The following ACBD6 variants were observed in gnomAD, a reference collection of about 807,000 sequenced individuals.
ACBD6 encodes acyl-CoA binding domain containing 6.
In ACBD6, 28 loss-of-function variants were observed where a neutral mutation model predicts 37.2. The observed-to-expected ratio is 0.75, with a 90% CI of 0.56 to 1.03. The LOEUF is 1.03. ACBD6 is among the 50% of genes least tolerant of loss of function. The probability of loss-of-function intolerance (pLI) is 0.00; values close to 1 mark genes in which losing one functional copy is unlikely to be tolerated. For missense variants in ACBD6, 340 were observed against 337.4 expected, an observed-to-expected ratio of 1.01 and a Z score of -0.06; for synonymous variants, 113 against 126.8, an observed-to-expected ratio of 0.89 and a Z score of 0.73.
At chr1:180,482,470 A>G (rs532481791) in intron 3 of ACBD6, among the ~76,000 whole-genome samples, 1 of 152,138 alleles carries the variant, frequency 6.6e-6, no homozygotes, top group Non-Finnish European at 1.5e-5. Flanking sequence ...TAATAATAAG[A>G]TCCCGAGTAA....
In ACBD6 at chr1:180,461,004, T is replaced by C. The variant is rs566151829; in HGVS notation, c.385-30742A>G. 7.2e-5 allele frequency among the ~76,000 whole-genome samples: 11 copies of C among 152,046 alleles called. No homozygotes were observed. In the South Asian group the frequency reaches 1.7e-3, roughly 23 times the overall value. ...AGTGCAAGGAAGCTAAAAACCATAA[T>C]AGAACATTGCAGGAGCTGACAAACA... On this transcript the variant is annotated intron_variant, in intron 3 of 7. Transcript: ENST00000367595.
chr1:180,488,178 A>T (rs1220653061), intron 3 of ACBD6, among the ~76,000 whole-genome samples: 2 of 152,134 alleles, frequency 1.3e-5, no homozygotes, highest in Non-Finnish European at 2.9e-5. Flanking sequence ...TATAACCAGC[A>T]GTGAATCTGG....
At chr1:180,276,750 C>T (rs1649052850) in intron 9 of ACBD6, 1 of 151,096 alleles carries the variant, frequency 6.6e-6, no homozygotes, top group African/African-American at 2.4e-5. Flanking sequence ...TGCAGGTTGA[C>T]TATTTGGCTT....
At chr1:180,310,276 C>T (rs187766999) in intron 7 of ACBD6, among the ~76,000 whole-genome samples, 4 of 152,228 alleles carry the variant, frequency 2.6e-5, no homozygotes, top group Admixed American at 2.6e-4. Flanking sequence ...AGAAGGATTG[C>T]TCAAGCACAG....
intron 4 of ACBD6, among the ~76,000 whole-genome samples, chr1:180,423,015 C>T (rs1648436434): frequency 6.6e-6 from 1 of 152,032 alleles, no homozygotes; most frequent in Admixed American, 6.5e-5. Context: ...ATATGGTCTG[C>T]TAGTGTTTAT....
chr1:180,279,795 G>C (rs947737440), intron 9 of ACBD6, among the ~76,000 whole-genome samples: 5 of 151,172 alleles, frequency 3.3e-5, no homozygotes, highest in African/African-American at 1.2e-4. Context: ...CAGACCCTAA[G>C]TTTAGCTGGA....
chr1:180,313,809 C>T (rs1650685620), intron 7 of ACBD6, among the ~76,000 whole-genome samples: 1 of 151,792 alleles, frequency 6.6e-6, no homozygotes. Context: ...GGACTACAGA[C>T]GTGCACCACT....
intron 13 of ACBD6, chr1:180,272,022 G>A (rs747745601): frequency 1.2e-6 from 2 of 1,608,594 alleles, no homozygotes; most frequent in Non-Finnish European, 1.7e-6. Context: ...CAGGGCTGGA[G>A]GGGCCAGGCC....
intron 3 of ACBD6, among the ~76,000 whole-genome samples, chr1:180,443,900 G>A (rs924796355): frequency 2.0e-5 from 3 of 151,706 alleles, no homozygotes; most frequent in Non-Finnish European, 2.9e-5. Context: ...TGGGATTATA[G>A]GTGTGAGCCA....
Position 180,388,084 on chromosome 1 carries a change from G to A in ACBD6, c.663+9432C>T, listed in dbSNP as rs537523593. Among the ~76,000 whole-genome samples, 12 of 151,804 alleles carry A rather than the reference G, an allele frequency of 7.9e-5. No homozygotes were observed. In the East Asian group the frequency reaches 2.1e-3, roughly 27 times the overall value. ...CCAGCTACTCGGGAGGCTGAGGCAG[G>A]AGAATGGCGTGAACCCAGGAGGCGG... On this transcript the variant is annotated intron_variant, in intron 6 of 7. Transcript: ENST00000367595.
chr1:180,388,842 T>A (rs529105628), intron 6 of ACBD6, among the ~76,000 whole-genome samples: 3 of 152,182 alleles, frequency 2.0e-5, no homozygotes, highest in African/African-American at 7.2e-5. Context: ...TACTTAGTAA[T>A]AAATTTAACA....
intron 3 of ACBD6, among the ~76,000 whole-genome samples, chr1:180,476,970 A>C (rs1015564598): frequency 2.2e-4 from 34 of 152,210 alleles, no homozygotes; most frequent in African/African-American, 7.7e-4. Context: ...AAGCTAACCA[A>C]AACATTACAC....
chr1:180,332,692 T>C (rs540737312), intron 6 of ACBD6, among the ~76,000 whole-genome samples: 2 of 152,232 alleles, frequency 1.3e-5, no homozygotes, highest in African/African-American at 2.4e-5. Context: ...AGTTGTATAA[T>C]TATCTCATAA....
chr1:180,288,335 TA>T lies in ACBD6; in HGVS notation c.*27del. On this transcript the variant is annotated 3_prime_UTR_variant, in exon 8 of 8. Transcript: ENST00000367595. ...TTTCATAATGGAAGCCTTATGCTAT[TA>T]CAGACTGCAGTTTTCCAGTCTTTTG... 1 of 1,613,398 alleles carries T rather than the reference TA, an allele frequency of 6.2e-7. No homozygotes were observed. Among genetic ancestry groups the T allele is most frequent in the Non-Finnish European group, 8.5e-7 (1 of 1,179,834 alleles).
chr1:180,348,490 C>A (rs1054141730), intron 6 of ACBD6, among the ~76,000 whole-genome samples: 1 of 152,160 alleles, frequency 6.6e-6, no homozygotes, highest in African/African-American at 2.4e-5. Flanking sequence ...GTATTAAGAT[C>A]TAGAGAAGTT....
At position 180,392,117 on chromosome 1, in the gene ACBD6, A is replaced by C. The variant is rs142390486; in HGVS notation, c.663+5399T>G. Reference sequence around the variant, plus strand: ...GTTAGAACTAATCAGGGGTCACAGAAGTTCAGAATAATAGTCACCTCAGGG... The same window carrying C: ...GTTAGAACTAATCAGGGGTCACAGACGTTCAGAATAATAGTCACCTCAGGG... On this transcript the variant is annotated intron_variant, in intron 6 of 7. Transcript: ENST00000367595. Among the ~76,000 whole-genome samples, 47 of 152,310 alleles carry C rather than the reference A, an allele frequency of 3.1e-4. No homozygotes were observed. In the South Asian group the frequency reaches 6.4e-3, roughly 21 times the overall value.
In ACBD6 at chr1:180,370,346, T is replaced by C. The variant is rs1571418796; in HGVS notation, c.663+27170A>G. Among the ~76,000 whole-genome samples, 4 of 152,310 alleles carry C rather than the reference T, an allele frequency of 2.6e-5. No homozygotes were observed. The East Asian group carries it at 5.8e-4, about 22-fold the overall frequency. On this transcript the variant is annotated intron_variant, in intron 6 of 7. Transcript: ENST00000367595. ...AACTGTGTGTTTGTGTGTGTGCATA[T>C]GCACATGTACATGTGTTTTAGGCTG...
chr1:180,366,613 G>T (rs1397051675), intron 6 of ACBD6, among the ~76,000 whole-genome samples: 1 of 152,168 alleles, frequency 6.6e-6, no homozygotes, highest in Non-Finnish European at 1.5e-5. Flanking sequence ...ACACTGTACT[G>T]TGAGCCAGCT....
chr1:180,290,818 A>G (rs1649671155), intron 7 of ACBD6, among the ~76,000 whole-genome samples: 1 of 152,236 alleles, frequency 6.6e-6, no homozygotes, highest in South Asian at 2.1e-4. Context: ...GAAGCAGTAC[A>G]AAGAGTTGAA....
Sources: allele counts gnomAD v4.1 joint callset (sites outside exome capture counted in the v4.1 genomes callset), GRCh38; gene constraint gnomAD v4.1.1; transcripts MANE v1.5; gene names NCBI Gene and HGNC (gene_info 2026-07-23, HGNC 2026-07-21).